The following HDAC7 variants were observed in gnomAD, a reference collection of about 807,000 sequenced individuals.
HDAC7 encodes histone deacetylase 7A.
A neutral mutation model predicts 115.5 loss-of-function variants in HDAC7; 26 were observed. The observed-to-expected ratio is 0.23, with a 90% CI of 0.16 to 0.31. The LOEUF (loss-of-function observed/expected upper bound fraction) is 0.31. Among genes scored for constraint, HDAC7 ranks in the 10% least tolerant of loss-of-function variants. HDAC7 has a pLI of 1.00. For synonymous variants in HDAC7, 564 were observed against 550.9 expected, an observed-to-expected ratio of 1.02 and a Z score of -0.33; for missense variants, 1,068 against 1,329.0, an observed-to-expected ratio of 0.80 and a Z score of 3.05.
chr12:47,784,782 G>T, intron 24 of HDAC7: 1 of 1,535,394 alleles, frequency 6.5e-7, no homozygotes, highest in Non-Finnish European at 8.7e-7. Context: ...CTGGAATCTG[G>T]CTCAGTGTGA....
chr12:47,784,047 C>G, intron 25 of HDAC7, 32 bp downstream of exon 25: 1 of 1,609,624 alleles, frequency 6.2e-7, no homozygotes, highest in Non-Finnish European at 8.5e-7. Flanking sequence ...GGTGGAGAGG[C>G]TGTGGGCCCA....
chr12:47,804,494 G>C (rs1455803083), intron 1 of HDAC7, among the ~76,000 whole-genome samples: 1 of 149,956 alleles, frequency 6.7e-6, no homozygotes, highest in Non-Finnish European at 1.5e-5. Flanking sequence ...CTCTCTCCGA[G>C]GGCTGTTACT....
In HDAC7 at chr12:47,797,858, GTGT is replaced by G. The variant is rs1414311785; in HGVS notation, c.461+247_461+249del. Among the ~76,000 whole-genome samples the G allele has an allele frequency of 2.3e-4, 27 of 119,706 alleles. No individual in the cohort carries two copies. Among genetic ancestry groups the G allele is most frequent in the African/African-American group, 9.2e-4 (21 of 22,930 alleles). 78.5% of individuals were successfully genotyped at this position (119,706 alleles called of 152,430 possible). A position where few individuals can be genotyped will look rare whatever the true frequency, so the allele number is the denominator to read the frequency against. ...TGTGCAAGAAAAAAGCCAGTAGGGT[GTGT>G]GTGTGTGTGTGTGTGTGTGTGTGTG... On this transcript the variant is annotated intron_variant, in intron 5 of 25. Transcript: ENST00000080059. This position sits in a 1 kb window ranked among gnomAD's most constrained non-coding sequence, Gnocchi z 5.5.
intron 2 of HDAC7, among the ~76,000 whole-genome samples, chr12:47,801,476 T>TC (rs1394101785): frequency 1.3e-5 from 2 of 152,200 alleles, no homozygotes; most frequent in African/African-American, 4.8e-5. Flanking sequence ...GCATTCTATT[T>TC]TTTTTCGCTT....
At chr12:47,794,709 C>T in intron 12 of HDAC7, 51 bp downstream of exon 12, 1 of 1,491,964 alleles carries the variant, frequency 6.7e-7, no homozygotes, top group South Asian at 1.3e-5. Context: ...TATGCCAGGC[C>T]CCAGAGTCTT....
chr12:47,805,720 C>A (rs747586699), intron 1 of HDAC7, among the ~76,000 whole-genome samples: 26 of 152,140 alleles, frequency 1.7e-4, no homozygotes, highest in Non-Finnish European at 3.4e-4. Flanking sequence ...TCGTTCAGAC[C>A]AACACTCTCA....
Position 47,791,569 on chromosome 12 carries a change from G to T in HDAC7, c.1933+17C>A. On this transcript the variant is annotated intron_variant, in intron 15 of 25. Coordinates refer to ENST00000080059, the MANE Select transcript of HDAC7 (RefSeq NM_015401.5). Reference sequence around the variant, plus strand: ...GAGGTAAGCTGGCATGGGGAGACAGGGCCACTAGGCCATTACCTGCCAGCT... The same window carrying T: ...GAGGTAAGCTGGCATGGGGAGACAGTGCCACTAGGCCATTACCTGCCAGCT... The T allele has an allele frequency of 1.3e-6, 2 of 1,596,696 alleles. No individual in the cohort carries two copies. Among genetic ancestry groups the T allele is most frequent in the Non-Finnish European group, 1.7e-6 (2 of 1,171,594 alleles).
At chr12:47,800,170 G>A (rs895223023) in intron 2 of HDAC7, among the ~76,000 whole-genome samples, 12 of 152,286 alleles carry the variant, frequency 7.9e-5, no homozygotes, top group Middle Eastern at 3.4e-3. Context: ...CACTGGCCCC[G>A]GGGGGTAGTC....
At chr12:47,789,456 T>G (rs1363986126) in intron 18 of HDAC7, 67 bp downstream of exon 18, 1 of 1,589,290 alleles carries the variant, frequency 6.3e-7, no homozygotes, top group Non-Finnish European at 8.6e-7. Flanking sequence ...AGAGAGAATG[T>G]CCCTGAAGGA....
At chr12:47,819,688 G>GA (rs1476380682) in intron 1 of HDAC7, 79 bp downstream of exon 1, 4 of 257,666 alleles carry the variant, frequency 1.6e-5, no homozygotes. Flanking sequence ...GCCGGGGCCA[G>GA]GGCCGGAGGC....
Position 47,782,955 on chromosome 12 carries a change from C to T in HDAC7, c.*886G>A, listed in dbSNP as rs1005641407. 2 of 152,942 alleles carry T rather than the reference C, an allele frequency of 1.3e-5. No individual in the cohort carries two copies. The highest frequency in any genetic ancestry group is 2.9e-5 in the Non-Finnish European group (2 of 68,132). 9.5% of individuals were successfully genotyped at this position (152,942 alleles called of 1,614,324 possible). ...CTTGAAGACTTTGCCAGAGCAGCCT[C>T]CCCTCCTCCATGTCTGTATCTTCTC... On this transcript the variant is annotated 3_prime_UTR_variant, in exon 26 of 26. Coordinates refer to ENST00000080059, the MANE Select transcript of HDAC7 (RefSeq NM_015401.5).
At chr12:47,818,417 C>T (rs1050215523) in intron 1 of HDAC7, among the ~76,000 whole-genome samples, 2 of 152,226 alleles carry the variant, frequency 1.3e-5, no homozygotes, top group Non-Finnish European at 2.9e-5. Flanking sequence ...TAGTTTCCCT[C>T]AGAAATGACT....
rs766321017 is a variant in HDAC7 at position 47,794,947 on chromosome 12, A to G, written c.1285-14T>C. 1.2e-4 allele frequency: 199 copies of G among 1,605,022 alleles called. No homozygotes were observed. Among genetic ancestry groups the G allele is most frequent in the Non-Finnish European group, 1.6e-4 (193 of 1,176,196 alleles). On this transcript the variant is annotated splice_polypyrimidine_tract_variant and intron_variant, in intron 11 of 25. Coordinates refer to ENST00000080059, the MANE Select transcript of HDAC7 (RefSeq NM_015401.5). ...CTTGGCTGACCTCTGGGGAGGGGAG[A>G]ACCTGGCTGAGAAGCCATGGTGGAG... is the stretch of plus-strand genomic sequence containing the variant.
chr12:47,797,050 TG>T lies in HDAC7; in HGVS notation c.669del (p.Ser224AlafsTer138), dbSNP rs1469325700. ...GTCTCTGCGGGCCGCCGCCGGAGGC[TG>T]GGGGGCGCACTCTCCTTTCGGAGCA... The part of the protein sequence containing the change: ...NPLLRKESAP[P>X]SLRRRPAETL... On this transcript the variant is annotated frameshift_variant, in exon 7 of 26. Transcript: ENST00000080059. LOFTEE classifies it high-confidence loss of function. The surrounding 1 kb of genome is among the most constrained non-coding windows in gnomAD (Gnocchi z 5.5). 8 of 1,594,816 alleles carry T rather than the reference TG, an allele frequency of 5.0e-6. No homozygotes were observed. The highest frequency in any genetic ancestry group is 1.1e-5 in the South Asian group (1 of 88,418).
rs1365515820 is a variant in HDAC7, at chr12:47,797,070, C to T, written c.650G>A (p.Arg217Gln). Residue 217 changes from arginine to glutamine, a missense_variant, in exon 7 of 26, where the codon CGA (arginine) becomes CAA (glutamine). Arg to Gln is a conservative substitution (Grantham distance 43). This residue lies in a region of HDAC7 where 618 missense variants were observed against 701.5 expected (regional missense o/e 0.88). Coordinates refer to ENST00000080059, the MANE Select transcript of HDAC7 (RefSeq NM_015401.5). The surrounding 1 kb of genome is among the most constrained non-coding windows in gnomAD (Gnocchi z 5.5). The stretch of plus-strand genomic sequence containing the variant: ...GAGGCTGGGGGGCGCACTCTCCTTT[C>T]GGAGCAGTGGATTCTTCCTCCGCTC... ...SLERRKNPLL[R>Q]KESAPPSLRR... The T allele has an allele frequency of 6.2e-6, 10 of 1,606,992 alleles. No homozygotes were observed. Among genetic ancestry groups the T allele is most frequent in the African/African-American group, 2.7e-5 (2 of 74,622 alleles).
intron 1 of HDAC7, among the ~76,000 whole-genome samples, chr12:47,808,969 A>T (rs548290109): frequency 6.6e-6 from 1 of 152,324 alleles, no homozygotes; most frequent in Admixed American, 6.5e-5. Flanking sequence ...TTCCTATCAT[A>T]AGCAAAACAT....
At position 47,798,119 on chromosome 12, in the gene HDAC7, G is replaced by C. The variant is rs572653694; in HGVS notation, c.450C>G (p.Gly150=). 94 of 1,612,988 alleles carry C rather than the reference G, an allele frequency of 5.8e-5. No homozygotes were observed. The South Asian group carries it at 9.9e-4, about 17-fold the overall frequency. The stretch of plus-strand genomic sequence containing the variant: ...GAGGAGGGTGTTACCTGTAGGGAAT[G>C]CCGGGGCTGTTGGGATGGACTGTTC... The part of the protein sequence containing the change: ...LERTVHPNSP[G]IPYRTLEPLE... The change falls in exon 5 of 26, where the codon GGC becomes GGG. Residue 150 remains glycine (G), a synonymous_variant. Transcript: ENST00000080059. The surrounding 1 kb of genome is among the most constrained non-coding windows in gnomAD (Gnocchi z 4.3).
At position 47,795,487 on chromosome 12, in the gene HDAC7, AG is replaced by A. The variant is rs1488312663; in HGVS notation, c.1087+99del. The A allele has an allele frequency of 2.2e-5, 30 of 1,377,534 alleles. No individual in the cohort carries two copies. The highest frequency in any genetic ancestry group is 2.6e-5 in the Non-Finnish European group (26 of 999,864). The allele number at this position is 1,377,534 out of a possible 1,614,324, so 85.3% of individuals were successfully genotyped here. Reference sequence around the variant, plus strand: ...GGTGCAGCAGGGCAATGCGCAGGACAGGGGGACAGAGATGGGGAGGAAGGAT... The same window carrying A: ...GGTGCAGCAGGGCAATGCGCAGGACAGGGGACAGAGATGGGGAGGAAGGAT... On this transcript the variant is annotated intron_variant, in intron 10 of 25. Coordinates refer to ENST00000080059, the MANE Select transcript of HDAC7 (RefSeq NM_015401.5). The surrounding 1 kb of genome is among the most constrained non-coding windows in gnomAD (Gnocchi z 4.3).
In HDAC7 at chr12:47,791,762, C is replaced by T. The variant is rs930817879; in HGVS notation, c.1813-56G>A. On this transcript the variant is annotated intron_variant, in intron 14 of 25. Coordinates refer to ENST00000080059, the MANE Select transcript of HDAC7 (RefSeq NM_015401.5). Reference sequence around the variant, plus strand: ...ATGCTCGCCCCTTCCCTCCCATCACCACCACCCCATGTGCCCCTCATCTCT... The same window carrying T: ...ATGCTCGCCCCTTCCCTCCCATCACTACCACCCCATGTGCCCCTCATCTCT... The T allele has an allele frequency of 3.1e-6, 5 of 1,602,612 alleles. No individual in the cohort carries two copies. In the African/African-American group the frequency reaches 6.7e-5, roughly 21 times the overall value.
Sources: allele counts gnomAD v4.1 joint callset (sites outside exome capture counted in the v4.1 genomes callset), GRCh38; gene constraint gnomAD v4.1.1; regional missense constraint gnomAD v4.1.1; non-coding constraint Gnocchi (gnomAD v3.1); transcripts MANE v1.5; gene names NCBI Gene and HGNC (gene_info 2026-07-23, HGNC 2026-07-21).